Variants in RBM6 observed in about 807,000 individuals in gnomAD.
RBM6 encodes the protein RNA-binding protein 6.
RBM6 carries 23 observed loss-of-function variants against 140.4 expected under a neutral mutation model. The ratio of observed to expected loss-of-function variants is 0.16; its 90% CI spans 0.12 to 0.23. RBM6 has a LOEUF of 0.23. Among genes scored for constraint, RBM6 ranks in the 10% least tolerant of loss-of-function variants. The pLI is 1.00. For missense variants in RBM6, 1,139 were observed against 1,386.7 expected (o/e 0.82, Z 2.84); for synonymous variants, 439 against 475.6 (o/e 0.92, Z 1.00).
In RBM6 at chr3:50,066,328, C is replaced by A; in HGVS notation, c.2769C>A (p.Thr923=). The A allele has an allele frequency of 6.2e-7, 1 of 1,613,984 alleles. No individual in the cohort carries two copies. Among genetic ancestry groups the A allele is most frequent in the Non-Finnish European group, 8.5e-7 (1 of 1,180,006 alleles). The stretch of plus-strand genomic sequence containing the variant: ...AGGAGGAAGAAGAGGAGGAACAGAC[C>A]CCTCCCCCACAGCCCCGCACAGCAC... The part of the protein sequence containing the change: ...DYEEEEEEEQ[T]PPPQPRTAQP... The change falls in exon 17 of 21, where the codon ACC becomes ACA. Residue 923 remains threonine (T), a synonymous_variant. Coordinates refer to ENST00000266022, the MANE Select transcript of RBM6 (RefSeq NM_005777.3).
In RBM6 at chr3:49,974,749, T is replaced by G. The variant is rs1313097179; in HGVS notation, c.1414-574T>G. On this transcript the variant is annotated intron_variant, in intron 4 of 20. Coordinates refer to ENST00000266022, the MANE Select transcript of RBM6 (RefSeq NM_005777.3). The stretch of plus-strand genomic sequence containing the variant: ...TTGCCCAGGCTGGAGTGCAGTGTCA[T>G]GATCTCAGCTCACTGCAGCCTCAGC... Among the ~76,000 whole-genome samples, 7 of 141,944 alleles carry G rather than the reference T, an allele frequency of 4.9e-5. No individual in the cohort carries two copies. In the South Asian group the frequency reaches 1.4e-3, roughly 28 times the overall value. The allele number at this position is 141,944 out of a possible 152,430, so 93.1% of individuals were successfully genotyped here.
At chr3:49,954,442 A>C (rs1186574435) in intron 1 of RBM6, among the ~76,000 whole-genome samples, 1 of 150,408 alleles carries the variant, frequency 6.6e-6, no homozygotes, top group Non-Finnish European at 1.5e-5. Flanking sequence ...TCCATCTCAA[A>C]AAAAAAAAAA....
chr3:50,052,733 A>G (rs2089522401), intron 7 of RBM6, among the ~76,000 whole-genome samples: 2 of 152,270 alleles, frequency 1.3e-5, no homozygotes, highest in South Asian at 4.1e-4. Flanking sequence ...GTTCTGTTCC[A>G]CGTGGCTTCT....
At chr3:50,035,112 AT>A (rs1449130408) in intron 6 of RBM6, among the ~76,000 whole-genome samples, 1 of 145,222 alleles carries the variant, frequency 6.9e-6, no homozygotes, top group Non-Finnish European at 1.5e-5. Flanking sequence ...GCAAATCTGT[AT>A]CCATACAGGT....
chr3:49,978,541 G>A (rs1229355896), intron 5 of RBM6, among the ~76,000 whole-genome samples: 1 of 151,946 alleles, frequency 6.6e-6, no homozygotes, highest in South Asian at 2.1e-4. Context: ...ATAAGTACAG[G>A]GTCACAATTT....
chr3:50,062,510 A>G (rs867846766), intron 15 of RBM6, among the ~76,000 whole-genome samples: 1 of 152,086 alleles, frequency 6.6e-6, no homozygotes, highest in African/African-American at 2.4e-5. Context: ...ATCAAAAAAA[A>G]AAAAAAAACC....
intron 1 of RBM6, among the ~76,000 whole-genome samples, chr3:49,945,881 CAAAA>C (rs67271820): frequency 1.5e-4 from 9 of 61,922 alleles, no homozygotes; most frequent in Admixed American, 7.6e-4. Flanking sequence ...GACTCCATCT[CAAAA>C]AAAAAAAAAA....
intron 6 of RBM6, among the ~76,000 whole-genome samples, chr3:50,002,336 A>G (rs955148433): frequency 6.0e-5 from 9 of 149,584 alleles, no homozygotes; most frequent in African/African-American, 2.0e-4. Context: ...ATCTCAGCTC[A>G]TTGCAACCTC....
At chr3:50,058,616 A>G (rs1575837741) in intron 10 of RBM6, 54 bp downstream of exon 10, 2 of 1,517,874 alleles carry the variant, frequency 1.3e-6, no homozygotes, top group African/African-American at 1.4e-5. Context: ...AAGAACCTTC[A>G]AGAAGGTTTG....
Position 50,014,990 on chromosome 3 carries a change from G to A in RBM6, c.1557+15477G>A, listed in dbSNP as rs1004154020. Reference sequence around the variant, plus strand: ...CTTGAACCCAGAAGGTGGAGGTTGCGGTGAGCCGAGATCACGCCACTGTAC... The same window carrying A: ...CTTGAACCCAGAAGGTGGAGGTTGCAGTGAGCCGAGATCACGCCACTGTAC... On this transcript the variant is annotated intron_variant, in intron 6 of 20. Coordinates refer to ENST00000266022, the MANE Select transcript of RBM6 (RefSeq NM_005777.3). Among the ~76,000 whole-genome samples the A allele has an allele frequency of 1.5e-4, 22 of 147,762 alleles. No individual in the cohort carries two copies. In the East Asian group the frequency reaches 1.8e-3, roughly 12 times the overall value.
At chr3:49,956,490 G>C (rs1017866075) in intron 1 of RBM6, among the ~76,000 whole-genome samples, 1 of 150,632 alleles carries the variant, frequency 6.6e-6, no homozygotes, top group African/African-American at 2.4e-5. Context: ...TTGCCACCAT[G>C]CCTGGCTAAT....
intron 1 of RBM6, among the ~76,000 whole-genome samples, chr3:49,942,164 T>C (rs997681058): frequency 6.6e-6 from 1 of 151,990 alleles, no homozygotes; most frequent in Non-Finnish European, 1.5e-5. Flanking sequence ...TTATGTATAT[T>C]TTAACAAAAT....
intron 5 of RBM6, among the ~76,000 whole-genome samples, chr3:49,977,964 G>GA (rs951211928): frequency 5.5e-4 from 83 of 149,980 alleles, no homozygotes; most frequent in Non-Finnish European, 8.3e-4. Flanking sequence ...AAAAGAAAAA[G>GA]AAAAAAAAAT....
intron 15 of RBM6, 104 bp downstream of exon 15, chr3:50,062,212 A>C: frequency 7.3e-7 from 1 of 1,375,444 alleles, no homozygotes; most frequent in Non-Finnish European, 9.8e-7. Flanking sequence ...TAACTTTAAA[A>C]ATACTCTGTC....
chr3:49,977,624 T>G (rs2085115839), intron 5 of RBM6, among the ~76,000 whole-genome samples: 1 of 152,194 alleles, frequency 6.6e-6, no homozygotes, highest in African/African-American at 2.4e-5. Flanking sequence ...TGCTTGACAC[T>G]CGGTAGGTTC....
In RBM6 at chr3:50,052,318, G is replaced by A. The variant is rs908123363; in HGVS notation, c.1633-2017G>A. Among the ~76,000 whole-genome samples, 79 of 152,282 alleles carry A rather than the reference G, an allele frequency of 5.2e-4. 2 individuals carry two copies. The highest frequency in any genetic ancestry group is 2.5e-3 in the South Asian group (12 of 4,826). On this transcript the variant is annotated intron_variant, in intron 7 of 20. Transcript: ENST00000266022. Reference sequence around the variant, plus strand: ...GGCCCGAAATGATCCAACTTCCTCGGCCTCCCAAAGTACTGGGATTACTGG... The same window carrying A: ...GGCCCGAAATGATCCAACTTCCTCGACCTCCCAAAGTACTGGGATTACTGG...
chr3:50,020,672 T>C (rs996532090), intron 6 of RBM6, among the ~76,000 whole-genome samples: 19 of 152,142 alleles, frequency 1.2e-4, no homozygotes, highest in African/African-American at 3.6e-4. Context: ...TACCATGGAG[T>C]GTACATACAC....
At chr3:50,047,271 C>T in intron 6 of RBM6, 1 of 985,148 alleles carries the variant, frequency 1.0e-6, no homozygotes, top group African/African-American at 1.7e-5. Context: ...CACAGAGGAC[C>T]CTAGAGGGCG....
chr3:50,038,289 G>C (rs892736033), intron 6 of RBM6, among the ~76,000 whole-genome samples: 1 of 152,058 alleles, frequency 6.6e-6, no homozygotes, highest in African/African-American at 2.4e-5. Flanking sequence ...ACCACCTCCT[G>C]CCATTAAGTT....
Sources: allele counts gnomAD v4.1 joint callset (sites outside exome capture counted in the v4.1 genomes callset), GRCh38; gene constraint gnomAD v4.1.1; transcripts MANE v1.5; gene names NCBI Gene and HGNC (gene_info 2026-07-23, HGNC 2026-07-21).